GRM7: variants seen among roughly 807,000 people sequenced by gnomAD.
GRM7 encodes the protein metabotropic glutamate receptor 7.
Under a neutral mutation model 84.5 loss-of-function variants are expected in GRM7, and 35 were observed. The ratio of observed to expected loss-of-function variants is 0.41; its 90% CI spans 0.32 to 0.55. The LOEUF (loss-of-function observed/expected upper bound fraction) is 0.55, where lower values mean the gene tolerates loss of function less well. GRM7 is among the 20% of genes least tolerant of loss of function. GRM7 has a pLI of 0.19. For synonymous variants in GRM7, 487 were observed against 455.1 expected (o/e 1.07, Z -0.89); for missense variants, 1,003 against 1,194.6 (o/e 0.84, Z 2.36).
chr3:7,124,978 G>T (rs1473471465), intron 1 of GRM7, among the ~76,000 whole-genome samples: 2 of 151,950 alleles, frequency 1.3e-5, no homozygotes, highest in African/African-American at 2.4e-5. Flanking sequence ...TCACTCTGTC[G>T]CCCAGGCTGG....
chr3:7,000,769 T>C (rs1219020967), intron 1 of GRM7, among the ~76,000 whole-genome samples: 1 of 152,134 alleles, frequency 6.6e-6, no homozygotes, highest in Non-Finnish European at 1.5e-5. Flanking sequence ...AGCCATTACT[T>C]TGGAATGGGG....
At chr3:7,375,510 G>T (rs1050952682) in intron 4 of GRM7, among the ~76,000 whole-genome samples, 4 of 152,060 alleles carry the variant, frequency 2.6e-5, no homozygotes, top group Non-Finnish European at 4.4e-5. Context: ...GAGCCACCGT[G>T]CCCGGCCCCC....
In GRM7 at chr3:7,228,474, C is replaced by T. The variant is rs554651454; in HGVS notation, c.737-70210C>T. 2.0e-3 allele frequency among the ~76,000 whole-genome samples: 300 copies of T among 152,292 alleles called. 3 individuals are homozygous for T. The highest frequency in any genetic ancestry group is 6.7e-3 in the African/African-American group (278 of 41,578). The stretch of plus-strand genomic sequence containing the variant: ...CAACATCTTCAGAAATCCAAGAAGA[C>T]GCTCTTGGGTCCTGGCTTAAGGAAC... On this transcript the variant is annotated intron_variant, in intron 2 of 9. Coordinates refer to ENST00000357716, the MANE Select transcript of GRM7 (RefSeq NM_000844.4).
chr3:6,887,694 T>G (rs930176617), intron 1 of GRM7, among the ~76,000 whole-genome samples: 9 of 152,234 alleles, frequency 5.9e-5, no homozygotes, highest in African/African-American at 2.2e-4. Context: ...TAAACATACG[T>G]GTGCATGTGT....
At chr3:7,144,090 T>C (rs752390080) in intron 1 of GRM7, among the ~76,000 whole-genome samples, 1 of 152,204 alleles carries the variant, frequency 6.6e-6, no homozygotes, top group Non-Finnish European at 1.5e-5. Flanking sequence ...AAATAACTTT[T>C]AGTGGCTATG....
intron 2 of GRM7, among the ~76,000 whole-genome samples, chr3:7,296,795 A>G (rs757582705): frequency 2.0e-5 from 3 of 149,556 alleles, no homozygotes; most frequent in Non-Finnish European, 4.4e-5. Context: ...TATCAATTTT[A>G]TTTATATTTT....
chr3:7,330,863 T>C (rs1444770497), intron 4 of GRM7, among the ~76,000 whole-genome samples: 1 of 152,142 alleles, frequency 6.6e-6, no homozygotes, highest in Non-Finnish European at 1.5e-5. Flanking sequence ...AGAGACAGGA[T>C]GGTCTTTCTA....
At chr3:7,532,484 T>C (rs1414537284) in intron 7 of GRM7, among the ~76,000 whole-genome samples, 1 of 152,110 alleles carries the variant, frequency 6.6e-6, no homozygotes, top group African/African-American at 2.4e-5. Flanking sequence ...TATTATTTTT[T>C]ATTGTGTCTA....
intron 7 of GRM7, among the ~76,000 whole-genome samples, chr3:7,509,801 A>G (rs1254949258): frequency 1.3e-5 from 2 of 149,904 alleles, no homozygotes; most frequent in Non-Finnish European, 3.0e-5. Context: ...TTTTTTTAAT[A>G]TTAGGACAGA....
At chr3:7,077,449 A>G (rs925213275) in intron 1 of GRM7, among the ~76,000 whole-genome samples, 25 of 151,940 alleles carry the variant, frequency 1.6e-4, no homozygotes, top group African/African-American at 5.3e-4. Context: ...GGAAACCATC[A>G]TTCTCAGCAA....
intron 8 of GRM7, among the ~76,000 whole-genome samples, chr3:7,654,447 T>C (rs1183204803): frequency 6.6e-6 from 1 of 152,212 alleles, no homozygotes; most frequent in Admixed American, 6.5e-5. Flanking sequence ...TGTTTATAAA[T>C]GAATGGCCCT....
intron 2 of GRM7, among the ~76,000 whole-genome samples, chr3:7,223,748 A>G (rs1188369764): frequency 6.6e-6 from 1 of 152,202 alleles, no homozygotes; most frequent in Non-Finnish European, 1.5e-5. Context: ...TCAAATCTTA[A>G]TCTGGAGAGC....
rs1162807804 is a variant in GRM7 at position 7,305,591 on chromosome 3, T to G, written c.879-907T>G. Among the ~76,000 whole-genome samples, 2 of 59,462 alleles carry G rather than the reference T, an allele frequency of 3.4e-5. 1 individual carries two copies. Among genetic ancestry groups the G allele is most frequent in the Admixed American group, 3.2e-4 (2 of 6,262 alleles). 39.0% of individuals were successfully genotyped at this position (59,462 alleles called of 152,430 possible). On this transcript the variant is annotated intron_variant, in intron 3 of 9. Coordinates refer to ENST00000357716, the MANE Select transcript of GRM7 (RefSeq NM_000844.4). ...CAATTCCCACCTATGAGTGAGAATATGCAGTGTTTGGTTTTTTGTTCTTGC... is the reference window on the plus strand; with the variant it reads ...CAATTCCCACCTATGAGTGAGAATAGGCAGTGTTTGGTTTTTTGTTCTTGC...
intron 4 of GRM7, among the ~76,000 whole-genome samples, chr3:7,409,603 GTTT>G (rs1695833095): frequency 9.5e-6 from 1 of 104,826 alleles, no homozygotes; most frequent in South Asian, 2.5e-4. Flanking sequence ...GTTTTGTTTT[GTTT>G]TGTTTTGTTT....
intron 7 of GRM7, among the ~76,000 whole-genome samples, chr3:7,527,061 A>G (rs1700836002): frequency 6.6e-6 from 1 of 152,176 alleles, no homozygotes; most frequent in Non-Finnish European, 1.5e-5. Flanking sequence ...AATTCTATGA[A>G]AAATGATGTT....
At chr3:7,441,632 TA>T (rs564466951) in intron 5 of GRM7, among the ~76,000 whole-genome samples, 140 of 152,336 alleles carry the variant, frequency 9.2e-4, no homozygotes, top group Non-Finnish European at 1.7e-3. Context: ...TTTAAGTTTT[TA>T]ATATATCTTG....
chr3:7,105,940 T>C (rs934145975), intron 1 of GRM7, among the ~76,000 whole-genome samples: 1 of 151,856 alleles, frequency 6.6e-6, no homozygotes, highest in African/African-American at 2.4e-5. Flanking sequence ...CATTTGGAAT[T>C]TATATTGGTA....
intron 1 of GRM7, among the ~76,000 whole-genome samples, chr3:6,972,301 A>G (rs1055767856): frequency 6.6e-6 from 1 of 152,182 alleles, no homozygotes; most frequent in South Asian, 2.1e-4. Context: ...TTTTGAATAC[A>G]TTGGCCCTTC....
chr3:7,238,897 C>T (rs888668977), intron 2 of GRM7, among the ~76,000 whole-genome samples: 2 of 145,872 alleles, frequency 1.4e-5, no homozygotes, highest in Non-Finnish European at 3.0e-5. Context: ...CTTTCCTTTC[C>T]TTTCTTTTTT....
Sources: allele counts gnomAD v4.1 joint callset (sites outside exome capture counted in the v4.1 genomes callset), GRCh38; gene constraint gnomAD v4.1.1; transcripts MANE v1.5; gene names NCBI Gene and HGNC (gene_info 2026-07-23, HGNC 2026-07-21).